The following GLRB variants were observed in gnomAD, a reference collection of about 807,000 sequenced individuals.
The protein encoded by GLRB is glycine receptor subunit beta.
Under a neutral mutation model 54.2 loss-of-function variants are expected in GLRB, and 33 were observed. The observed-to-expected ratio is 0.61, with a 90% confidence interval of 0.46 to 0.81. The LOEUF (loss-of-function observed/expected upper bound fraction) is 0.81. Among genes scored for constraint, GLRB ranks in the 40% least tolerant of loss-of-function variants. GLRB has a pLI of 0.00. For missense variants in GLRB, 572 were observed against 584.6 expected (o/e 0.98, Z 0.22); for synonymous variants, 209 against 208.2 (o/e 1.00, Z -0.03).
intron 4 of GLRB, among the ~76,000 whole-genome samples, chr4:157,131,320 T>G (rs774149782): frequency 4.0e-5 from 6 of 151,734 alleles, no homozygotes; most frequent in Non-Finnish European, 7.4e-5. Flanking sequence ...AAGAGTAGAC[T>G]CGATGTAGAC....
At chr4:157,138,244 G>C (rs983442395) in intron 6 of GLRB, among the ~76,000 whole-genome samples, 1 of 152,016 alleles carries the variant, frequency 6.6e-6, no homozygotes, top group Non-Finnish European at 1.5e-5. Context: ...GCTAATTTAT[G>C]TTTGTATTTT....
rs544802325 is a variant in GLRB at position 157,094,343 on chromosome 4, T to C, written c.122+16197T>C. Among the ~76,000 whole-genome samples, 7 of 152,350 alleles carry C rather than the reference T, an allele frequency of 4.6e-5. No individual in the cohort carries two copies. In the South Asian group the frequency reaches 1.0e-3, roughly 23 times the overall value. On this transcript the variant is annotated intron_variant, in intron 2 of 9. Coordinates refer to ENST00000264428, the MANE Select transcript of GLRB (RefSeq NM_000824.5). ...AACTGCTTCTTTTGCTCACTAACTC[T>C]GTAAGATTCATTCACAGTGTTATAT... is the stretch of plus-strand genomic sequence containing the variant.
intron 8 of GLRB, among the ~76,000 whole-genome samples, chr4:157,147,657 G>A (rs1579239663): frequency 6.6e-6 from 1 of 152,316 alleles, no homozygotes; most frequent in East Asian, 1.9e-4. Flanking sequence ...AGGAAAAACT[G>A]AGAGATGGAA....
At chr4:157,160,018 AT>A (rs1737410335) in intron 9 of GLRB, among the ~76,000 whole-genome samples, 1 of 152,182 alleles carries the variant, frequency 6.6e-6, no homozygotes, top group Admixed American at 6.5e-5. Flanking sequence ...AGAATCTGCT[AT>A]TGATCTATTC....
Position 157,139,856 on chromosome 4 carries a change from T to C in GLRB, c.751+907T>C, listed in dbSNP as rs1254534863. Reference sequence around the variant, plus strand: ...AAATAATAAAATATATATAGTATAATTGTGTAAAACTGAGAGAGATCAGAT... The same window carrying C: ...AAATAATAAAATATATATAGTATAACTGTGTAAAACTGAGAGAGATCAGAT... On this transcript the variant is annotated intron_variant, in intron 7 of 9. Coordinates refer to ENST00000264428, the MANE Select transcript of GLRB (RefSeq NM_000824.5). Among the ~76,000 whole-genome samples, 3 of 151,944 alleles carry C rather than the reference T, an allele frequency of 2.0e-5. No individual in the cohort carries two copies. The East Asian group carries it at 5.8e-4, about 29-fold the overall frequency.
chr4:157,151,754 G>A (rs901660465), intron 8 of GLRB, among the ~76,000 whole-genome samples: 8 of 151,972 alleles, frequency 5.3e-5, no homozygotes, highest in Admixed American at 4.6e-4. Context: ...AATTATTATG[G>A]TGATATATAT....
At chr4:157,137,394 A>G (rs1736441631) in intron 6 of GLRB, among the ~76,000 whole-genome samples, 2 of 152,002 alleles carry the variant, frequency 1.3e-5, no homozygotes, top group Admixed American at 1.3e-4. Flanking sequence ...CCCTAGGTGT[A>G]TTAATTGAAA....
chr4:157,087,829 T>TA (rs1285959846), intron 2 of GLRB, among the ~76,000 whole-genome samples: 1 of 151,802 alleles, frequency 6.6e-6, no homozygotes, highest in Non-Finnish European at 1.5e-5. Context: ...TGTAATACAG[T>TA]AAAAAAAGGT....
chr4:157,104,927 T>A (rs1019108761), intron 2 of GLRB, among the ~76,000 whole-genome samples: 3 of 151,944 alleles, frequency 2.0e-5, no homozygotes, highest in Admixed American at 2.0e-4. Flanking sequence ...GATTTTGATT[T>A]CTTCTTTTGA....
intron 2 of GLRB, among the ~76,000 whole-genome samples, chr4:157,094,690 C>T (rs1734740439): frequency 1.3e-5 from 2 of 152,136 alleles, no homozygotes; most frequent in South Asian, 4.1e-4. Flanking sequence ...CCAATACACA[C>T]CCACCAGAAT....
intron 2 of GLRB, among the ~76,000 whole-genome samples, chr4:157,094,824 A>T (rs1734745066): frequency 6.6e-6 from 1 of 152,202 alleles, no homozygotes; most frequent in South Asian, 2.1e-4. Context: ...GAAAATCCAT[A>T]TACTCTATGA....
chr4:157,152,977 A>C lies in GLRB; in HGVS notation c.1164A>C (p.Gly388=). The change falls in exon 9 of 10, where the codon GGA becomes GGC. Residue 388 remains glycine (G), a synonymous_variant. Transcript: ENST00000264428. The stretch of plus-strand genomic sequence containing the variant: ...TGGCTAAAAAGAATACTGTGAATGG[A>C]ACAGGGACTCCTGTTCATATTAGCA... ...GNVAKKNTVN[G]TGTPVHISTL... 1 of 1,613,982 alleles carries C rather than the reference A, an allele frequency of 6.2e-7. No homozygotes were observed. Among genetic ancestry groups the C allele is most frequent in the South Asian group, 1.1e-5 (1 of 91,082 alleles).
intron 9 of GLRB, among the ~76,000 whole-genome samples, chr4:157,166,338 A>G (rs1579257973): frequency 6.6e-6 from 1 of 152,058 alleles, no homozygotes; most frequent in Non-Finnish European, 1.5e-5. Context: ...CTTGTTTATA[A>G]GCAGTTTATT....
intron 2 of GLRB, among the ~76,000 whole-genome samples, chr4:157,119,544 A>T (rs1177524263): frequency 2.0e-5 from 3 of 151,802 alleles, no homozygotes; most frequent in African/African-American, 7.2e-5. Context: ...CTTTATAGAA[A>T]GTAACATGGA....
chr4:157,170,545 C>T lies in GLRB; in HGVS notation c.1311C>T (p.Cys437=). 1 of 1,612,534 alleles carries T rather than the reference C, an allele frequency of 6.2e-7. No individual in the cohort carries two copies. The highest frequency in any genetic ancestry group is 8.5e-7 in the Non-Finnish European group (1 of 1,178,734). The part of the protein sequence containing the change: ...PRDFELSNYD[C]YGKPIEVNNG... ...ATTTTGAACTATCCAATTATGACTG[C>T]TATGGAAAACCCATTGAAGTTAACA... Residue 437 remains cysteine, a synonymous_variant, in exon 10 of 10, where the codon TGC becomes TGT. Coordinates refer to ENST00000264428, the MANE Select transcript of GLRB (RefSeq NM_000824.5).
intron 8 of GLRB, among the ~76,000 whole-genome samples, chr4:157,147,064 G>T (rs557964147): frequency 2.3e-4 from 35 of 152,292 alleles, no homozygotes; most frequent in Middle Eastern, 3.4e-3. Context: ...ACACGTTAAG[G>T]TTCCAATGTC....
At chr4:157,115,769 G>T (rs1735586071) in intron 2 of GLRB, among the ~76,000 whole-genome samples, 1 of 151,760 alleles carries the variant, frequency 6.6e-6, no homozygotes, top group South Asian at 2.1e-4. Flanking sequence ...TAGAGCATGA[G>T]AAATGATACA....
intron 1 of GLRB, among the ~76,000 whole-genome samples, chr4:157,077,775 A>G (rs1490954450): frequency 6.6e-6 from 1 of 150,886 alleles, no homozygotes; most frequent in Non-Finnish European, 1.5e-5. Context: ...ATGTGCCATT[A>G]TTTAAACTGA....
chr4:157,105,650 C>T (rs1447477525), intron 2 of GLRB, among the ~76,000 whole-genome samples: 1 of 152,030 alleles, frequency 6.6e-6, no homozygotes, highest in African/African-American at 2.4e-5. Flanking sequence ...CAGCCTATTA[C>T]TCTTATCAGT....
Sources: gnomAD v4.1 joint callset for allele counts (sites outside exome capture counted in the v4.1 genomes callset) on GRCh38, gnomAD v4.1.1 for gene constraint, MANE v1.5 for transcripts, NCBI Gene and HGNC (gene_info 2026-07-23, HGNC 2026-07-21) for gene names.